CDH12: variants seen among roughly 807,000 people sequenced by gnomAD.
The protein encoded by CDH12 is cadherin 12.
In CDH12, 41 loss-of-function variants were observed where a neutral mutation model predicts 74.1. The observed-to-expected ratio is 0.55, with a 90% CI of 0.43 to 0.72. The LOEUF (loss-of-function observed/expected upper bound fraction) is 0.72, where lower values mean the gene tolerates loss of function less well. CDH12 is among the 30% of genes least tolerant of loss of function. CDH12 has a pLI of 0.00. For synonymous variants in CDH12, 399 were observed against 355.0 expected (o/e 1.12, Z -1.39); for missense variants, 945 against 977.2 (o/e 0.97, Z 0.44).
intron 6 of CDH12, among the ~76,000 whole-genome samples, chr5:21,901,717 T>C (rs936511785): frequency 1.3e-5 from 2 of 152,078 alleles, no homozygotes; most frequent in African/African-American, 4.8e-5. Context: ...TCCAACCACT[T>C]TGAACTCCCA....
chr5:22,645,247 C>T lies in CDH12; in HGVS notation c.-522-139883G>A, dbSNP rs150741174. On this transcript the variant is annotated intron_variant, in intron 1 of 14. Coordinates refer to ENST00000382254, the MANE Select transcript of CDH12 (RefSeq NM_004061.5). ...AAATGCCATCAAGAATATTCATGAT[C>T]CATGAAAAGAGGTCAAAATATCAAC... 3.6e-3 allele frequency among the ~76,000 whole-genome samples: 551 copies of T among 152,106 alleles called. 1 individual carries two copies. Among genetic ancestry groups the T allele is most frequent in the African/African-American group, 0.01 (424 of 41,526 alleles).
At chr5:22,445,183 A>G (rs1218123990) in intron 2 of CDH12, among the ~76,000 whole-genome samples, 4 of 152,084 alleles carry the variant, frequency 2.6e-5, no homozygotes, top group Non-Finnish European at 5.9e-5. Context: ...AGGAAACACA[A>G]AGAACTGTCT....
intron 4 of CDH12, among the ~76,000 whole-genome samples, chr5:22,205,001 A>C (rs1239985408): frequency 6.6e-6 from 1 of 152,204 alleles, no homozygotes; most frequent in Admixed American, 6.5e-5. Flanking sequence ...AGGCCTTGTC[A>C]ACATGTATCC....
intron 1 of CDH12, among the ~76,000 whole-genome samples, chr5:22,642,583 T>A (rs1739208556): frequency 6.6e-6 from 1 of 152,198 alleles, no homozygotes; most frequent in South Asian, 2.1e-4. Context: ...ATGATAGTTA[T>A]GAAAATCAGA....
intron 2 of CDH12, among the ~76,000 whole-genome samples, chr5:22,456,625 A>C (rs973751120): frequency 3.9e-5 from 5 of 127,404 alleles, no homozygotes; most frequent in African/African-American, 1.4e-4. Flanking sequence ...TAAATCTGAA[A>C]GTCTTTGAAT....
At chr5:22,023,580 T>C (rs1332922869) in intron 5 of CDH12, among the ~76,000 whole-genome samples, 1 of 140,684 alleles carries the variant, frequency 7.1e-6, no homozygotes, top group Non-Finnish European at 1.5e-5. Flanking sequence ...TCTCTCTCTC[T>C]ATATATATAT....
intron 3 of CDH12, among the ~76,000 whole-genome samples, chr5:22,293,864 C>T (rs1011896104): frequency 3.3e-5 from 5 of 151,766 alleles, no homozygotes; most frequent in African/African-American, 4.8e-5. Context: ...GTGGTGTTGG[C>T]GAAAGGATAC....
intron 1 of CDH12, among the ~76,000 whole-genome samples, chr5:22,790,227 C>A (rs1369403397): frequency 6.6e-6 from 1 of 151,984 alleles, no homozygotes. Context: ...AATAGATTTT[C>A]ATTTAAAAAG....
chr5:22,564,125 A>AT (rs1445941343), intron 1 of CDH12, among the ~76,000 whole-genome samples: 1 of 152,134 alleles, frequency 6.6e-6, no homozygotes, highest in Non-Finnish European at 1.5e-5. Context: ...GAAGCTATCA[A>AT]TTTTCTGATC....
At position 22,752,545 on chromosome 5, in the gene CDH12, CTTTTTTTTTTTTTTTTTTT is replaced by C. The variant is rs1159388186; in HGVS notation, c.-523+100494_-523+100512del. 2.5e-3 allele frequency among the ~76,000 whole-genome samples: 167 copies of C among 65,752 alleles called. 2 individuals are homozygous for C. Among genetic ancestry groups the C allele is most frequent in the Non-Finnish European group, 3.9e-3 (145 of 37,336 alleles). The allele number at this position is 65,752 out of a possible 152,430, so 43.1% of individuals were successfully genotyped here. A position where few individuals can be genotyped will look rare whatever the true frequency, so the allele number is the denominator to read the frequency against. On this transcript the variant is annotated intron_variant, in intron 1 of 14. Transcript: ENST00000382254. ...GATGAAGAAAGCAGATAGGATACTT[CTTTTTTTTTTTTTTTTTTT>C]TTTTTTTTTCTTTTTTTTTTTTTTT...
chr5:21,880,773 A>G (rs1247686004), intron 6 of CDH12, among the ~76,000 whole-genome samples: 1 of 150,726 alleles, frequency 6.6e-6, no homozygotes, highest in African/African-American at 2.4e-5. Context: ...TGTGACGTCT[A>G]ATAGAAAGTA....
intron 1 of CDH12, among the ~76,000 whole-genome samples, chr5:22,552,908 G>T (rs1231676255): frequency 6.6e-6 from 1 of 152,060 alleles, no homozygotes; most frequent in African/African-American, 2.4e-5. Flanking sequence ...AAGAGCAGCT[G>T]CTAAGAACTA....
chr5:21,938,342 A>C (rs1458763650), intron 6 of CDH12, among the ~76,000 whole-genome samples: 2 of 152,146 alleles, frequency 1.3e-5, no homozygotes, highest in African/African-American at 2.4e-5. Context: ...TCATGAAGAT[A>C]AATCTGGCTT....
At chr5:21,943,106 A>T (rs1338998053) in intron 6 of CDH12, among the ~76,000 whole-genome samples, 1 of 152,082 alleles carries the variant, frequency 6.6e-6, no homozygotes, top group African/African-American at 2.4e-5. Flanking sequence ...GCCATGTAAG[A>T]CGTGCCTGTT....
At chr5:22,775,349 A>G (rs777209968) in intron 1 of CDH12, among the ~76,000 whole-genome samples, 2 of 152,098 alleles carry the variant, frequency 1.3e-5, no homozygotes, top group African/African-American at 2.4e-5. Context: ...ATCACAGTCC[A>G]TAACATTACC....
At chr5:22,083,629 G>A (rs1742882913) in intron 4 of CDH12, among the ~76,000 whole-genome samples, 1 of 152,096 alleles carries the variant, frequency 6.6e-6, no homozygotes, top group Non-Finnish European at 1.5e-5. Flanking sequence ...CTGTGAAGGA[G>A]GTGGTATTAT....
chr5:22,723,797 G>T (rs368452128), intron 1 of CDH12, among the ~76,000 whole-genome samples: 1 of 152,020 alleles, frequency 6.6e-6, no homozygotes, highest in East Asian at 1.9e-4. Flanking sequence ...ACTAATAAGT[G>T]ATGGTGTCAC....
intron 4 of CDH12, among the ~76,000 whole-genome samples, chr5:22,204,812 C>A (rs1465152381): frequency 6.6e-6 from 1 of 152,146 alleles, no homozygotes; most frequent in Non-Finnish European, 1.5e-5. Flanking sequence ...TCAAGCTATT[C>A]TTTAATTTAC....
At chr5:22,514,664 G>A (rs1270910934) in intron 1 of CDH12, among the ~76,000 whole-genome samples, 1 of 152,200 alleles carries the variant, frequency 6.6e-6, no homozygotes, top group Admixed American at 6.5e-5. Flanking sequence ...TATTTGTTTG[G>A]TTCAAAATCA....
Sources: allele counts gnomAD v4.1 joint callset (sites outside exome capture counted in the v4.1 genomes callset), GRCh38; gene constraint gnomAD v4.1.1; transcripts MANE v1.5; gene names NCBI Gene and HGNC (gene_info 2026-07-23, HGNC 2026-07-21).